Variants in KANSL1L observed in about 807,000 individuals in gnomAD.
KANSL1L encodes KAT8 regulatory NSL complex subunit 1 like.
KANSL1L carries 25 observed loss-of-function variants against 108.6 expected under a neutral mutation model. That is an observed-to-expected ratio of 0.23 (90% CI 0.17 to 0.32). The LOEUF (loss-of-function observed/expected upper bound fraction) is 0.32. Ranked by LOEUF, KANSL1L falls within the 10% of genes least tolerant of loss-of-function variation. The pLI is 1.00. For missense variants in KANSL1L, 1,137 were observed against 1,125.7 expected (o/e 1.01, Z -0.14); for synonymous variants, 405 against 395.1 (o/e 1.03, Z -0.30).
intron 3 of KANSL1L, among the ~76,000 whole-genome samples, chr2:210,120,180 A>T (rs768980101): frequency 6.6e-6 from 1 of 152,164 alleles, no homozygotes; most frequent in Non-Finnish European, 1.5e-5. Context: ...GCCTCAGCTC[A>T]GGAGTTCGAG....
chr2:210,038,951 TTTG>T (rs1019739534), intron 8 of KANSL1L, among the ~76,000 whole-genome samples: 6 of 151,906 alleles, frequency 3.9e-5, no homozygotes, highest in Non-Finnish European at 8.9e-5. Flanking sequence ...TTCATAAGAA[TTTG>T]TTGTTGTTGT....
intron 5 of KANSL1L, among the ~76,000 whole-genome samples, chr2:210,092,776 C>G (rs935859699): frequency 6.6e-6 from 1 of 152,136 alleles, no homozygotes; most frequent in Non-Finnish European, 1.5e-5. Flanking sequence ...AAAAAAGGTG[C>G]CTTCCTCCAG....
At chr2:210,100,039 T>C (rs778792867) in intron 4 of KANSL1L, among the ~76,000 whole-genome samples, 2 of 152,202 alleles carry the variant, frequency 1.3e-5, no homozygotes, top group Non-Finnish European at 2.9e-5. Flanking sequence ...GGGCTGCTGA[T>C]GGGTACCTGT....
At chr2:210,028,227 T>C (rs2093963691) in intron 11 of KANSL1L, among the ~76,000 whole-genome samples, 1 of 152,140 alleles carries the variant, frequency 6.6e-6, no homozygotes, top group Non-Finnish European at 1.5e-5. Context: ...AGCCTTCCAT[T>C]ATCAACCTGC....
Position 210,034,681 on chromosome 2 carries a change from G to C in KANSL1L, c.2030-3135C>G, listed in dbSNP as rs13417420. On this transcript the variant is annotated intron_variant, in intron 8 of 14. Transcript: ENST00000281772. ...GAGATCATGTTGGACTGTGAGAGTA[G>C]TCGAAGGCACAAAAGGAACTCAAAC... Among the ~76,000 whole-genome samples, 258 of 152,316 alleles carry C rather than the reference G, an allele frequency of 1.7e-3. 2 individuals are homozygous for C. Among genetic ancestry groups the C allele is most frequent in the African/African-American group, 6.1e-3 (252 of 41,564 alleles).
chr2:210,051,799 G>T (rs1041172218), intron 6 of KANSL1L, among the ~76,000 whole-genome samples: 12 of 151,994 alleles, frequency 7.9e-5, no homozygotes, highest in Admixed American at 3.9e-4. Context: ...TTAGGAGTGG[G>T]CTGTTTATTT....
intron 9 of KANSL1L, among the ~76,000 whole-genome samples, chr2:210,030,294 T>C (rs2093997191): frequency 2.0e-5 from 3 of 152,010 alleles, no homozygotes; most frequent in Admixed American, 2.0e-4. Context: ...TTATGTGAGG[T>C]ATCTGTCCTT....
At chr2:210,164,579 T>C (rs1351884409) in intron 1 of KANSL1L, among the ~76,000 whole-genome samples, 1 of 152,124 alleles carries the variant, frequency 6.6e-6, no homozygotes. Context: ...AAGAGGTCCC[T>C]TTTCTAAAAG....
chr2:210,153,429 T>G (rs1313811503), intron 2 of KANSL1L, 66 bp downstream of exon 2: 1 of 1,243,014 alleles, frequency 8.0e-7, no homozygotes, highest in African/African-American at 1.5e-5. Flanking sequence ...TCAACATACC[T>G]GGAAACTAAG....
At chr2:210,161,680 C>A (rs925647214) in intron 1 of KANSL1L, among the ~76,000 whole-genome samples, 4 of 151,982 alleles carry the variant, frequency 2.6e-5, no homozygotes, top group Admixed American at 6.6e-5. Context: ...TTCAAGAGTT[C>A]GTAGAAATTA....
Position 210,046,854 on chromosome 2 carries a change from C to T in KANSL1L, c.1756-2750G>A, listed in dbSNP as rs1326299856. ...TGTAGACACCACCAAAATCTACCAC[C>T]TGTGCTGCCTACAGGGTTGGCCATC... On this transcript the variant is annotated intron_variant, in intron 6 of 14. Transcript: ENST00000281772. Among the ~76,000 whole-genome samples, 5 of 152,294 alleles carry T rather than the reference C, an allele frequency of 3.3e-5. No homozygotes were observed. In the East Asian group the frequency reaches 9.7e-4, roughly 29 times the overall value.
chr2:210,155,243 C>T (rs2095326585), intron 1 of KANSL1L: 1 of 152,042 alleles, frequency 6.6e-6, no homozygotes, highest in Non-Finnish European at 1.5e-5. Context: ...GAAACTCTGT[C>T]TCTACTAAAA....
intron 7 of KANSL1L, chr2:210,043,494 G>A (rs1185063451): frequency 6.5e-6 from 1 of 153,856 alleles, no homozygotes; most frequent in Non-Finnish European, 1.4e-5. Context: ...TATACTTATA[G>A]GTACGCAGTT....
intron 3 of KANSL1L, among the ~76,000 whole-genome samples, chr2:210,121,254 A>G (rs2095017256): frequency 6.6e-6 from 1 of 152,250 alleles, no homozygotes; most frequent in Admixed American, 6.5e-5. Context: ...CCGAATGCCC[A>G]TCAATGGTAG....
chr2:210,148,562 C>G (rs1441461138), intron 2 of KANSL1L, among the ~76,000 whole-genome samples: 20 of 152,148 alleles, frequency 1.3e-4, no homozygotes, highest in Admixed American at 1.2e-3. Context: ...TAAAGTCCCT[C>G]TATTATGCTT....
chr2:210,031,369 T>C (rs1174285295), intron 9 of KANSL1L, 52 bp downstream of exon 9: 1 of 1,331,620 alleles, frequency 7.5e-7, no homozygotes, highest in Non-Finnish European at 1.0e-6. Flanking sequence ...AAAATCAGAA[T>C]TTTTAATTTT....
intron 6 of KANSL1L, among the ~76,000 whole-genome samples, chr2:210,069,637 C>T (rs1213263028): frequency 6.6e-6 from 1 of 152,112 alleles, no homozygotes; most frequent in Non-Finnish European, 1.5e-5. Flanking sequence ...CAGGGCTACA[C>T]TCCCTCTGAT....
chr2:210,146,605 C>T (rs984246634), intron 2 of KANSL1L, among the ~76,000 whole-genome samples: 3 of 152,062 alleles, frequency 2.0e-5, no homozygotes, highest in Non-Finnish European at 4.4e-5. Flanking sequence ...ATAGAAGTCT[C>T]GAAGAAAATT....
intron 2 of KANSL1L, chr2:210,152,987 T>C (rs1427062543): frequency 6.6e-6 from 1 of 152,274 alleles, no homozygotes; most frequent in Non-Finnish European, 1.5e-5. Context: ...TATTTTTAAA[T>C]AGTATGTATA....
Sources: gnomAD v4.1 joint callset for allele counts (sites outside exome capture counted in the v4.1 genomes callset) on GRCh38, gnomAD v4.1.1 for gene constraint, MANE v1.5 for transcripts, NCBI Gene and HGNC (gene_info 2026-07-23, HGNC 2026-07-21) for gene names.